The following ADAMTS17 variants were observed in gnomAD, a reference collection of about 807,000 sequenced individuals.
ADAMTS17 encodes the protein ADAM metallopeptidase with thrombospondin type 1 motif 17.
In ADAMTS17, 113 loss-of-function variants were observed where a neutral mutation model predicts 141.5. The ratio of observed to expected loss-of-function variants is 0.80; its 90% CI spans 0.69 to 0.93. The LOEUF (loss-of-function observed/expected upper bound fraction) is 0.93. Among genes scored for constraint, ADAMTS17 ranks in the 40% least tolerant of loss-of-function variants. The pLI, the probability that ADAMTS17 is intolerant of heterozygous loss-of-function variation, is 0.00. For missense variants in ADAMTS17, 1,659 were observed against 1,517.9 expected, an observed-to-expected ratio of 1.09 and a Z score of -1.54; for synonymous variants, 768 against 630.6, an observed-to-expected ratio of 1.22 and a Z score of -3.27.
In ADAMTS17 at chr15:99,997,508, C is replaced by A. The variant is rs1349512293; in HGVS notation, c.2673G>T (p.Gln891His). The A allele has an allele frequency of 1.2e-6, 2 of 1,613,554 alleles. No individual in the cohort carries two copies. The highest frequency in any genetic ancestry group is 1.1e-5 in the South Asian group (1 of 91,082). Residue 891 changes from glutamine to histidine, a missense_variant, in exon 19 of 22, where the codon CAG (glutamine) becomes CAT (histidine). Transcript: ENST00000268070. This position sits in a 1 kb window ranked among gnomAD's most constrained non-coding sequence, Gnocchi z 4.7. ...FQHREVTCVY[Q>H]LQNGTHVATR... ...TAGCGACGTGTGTGCCGTTCTGCAG[C>A]TGGTACACGCAGGTCACCTCCCGGT...
chr15:99,982,182 C>T (rs1363369402), intron 20 of ADAMTS17, among the ~76,000 whole-genome samples: 5 of 152,234 alleles, frequency 3.3e-5, no homozygotes, highest in Admixed American at 3.3e-4. Context: ...CTCCACAAAT[C>T]CTGCTGTTAT....
chr15:100,275,117 GA>G (rs2044035931), intron 4 of ADAMTS17, among the ~76,000 whole-genome samples: 1 of 152,214 alleles, frequency 6.6e-6, no homozygotes, highest in South Asian at 2.1e-4. Flanking sequence ...GGGACCCTCT[GA>G]GGGGACATTT....
chr15:100,045,740 CTA>C (rs2141560303), intron 18 of ADAMTS17, among the ~76,000 whole-genome samples: 1 of 152,246 alleles, frequency 6.6e-6, no homozygotes, highest in South Asian at 2.1e-4. Flanking sequence ...TGGCGGGTAA[CTA>C]TCAGAGTTTT....
chr15:99,976,406 C>T (rs1012385501), intron 20 of ADAMTS17, 184 bp from the exon 21 acceptor site: 45 of 789,610 alleles, frequency 5.7e-5, no homozygotes, highest in African/African-American at 2.4e-4. Flanking sequence ...GGGGCCTACA[C>T]GAGGTCAGGG....
chr15:100,292,655 G>C (rs936211541), intron 3 of ADAMTS17, among the ~76,000 whole-genome samples: 5 of 152,220 alleles, frequency 3.3e-5, no homozygotes, highest in African/African-American at 1.2e-4. Flanking sequence ...ACTGAGTCAG[G>C]ACTACATCCC....
chr15:100,257,573 T>A (rs1164941083), intron 6 of ADAMTS17, among the ~76,000 whole-genome samples: 1 of 152,212 alleles, frequency 6.6e-6, no homozygotes, highest in Non-Finnish European at 1.5e-5. Flanking sequence ...AGACGCCAAA[T>A]GCATCCTTCA....
chr15:99,978,431 A>G (rs2060412889), intron 20 of ADAMTS17: 1 of 152,220 alleles, frequency 6.6e-6, no homozygotes, highest in African/African-American at 2.4e-5. Context: ...GGCACGTTCA[A>G]ACTGGAACCC....
At chr15:100,117,143 T>C in intron 12 of ADAMTS17, 130 bp from the exon 13 acceptor site, 2 of 1,081,330 alleles carry the variant, frequency 1.8e-6, no homozygotes. Flanking sequence ...ACCCCCTCTC[T>C]GCTGTTACAG....
intron 4 of ADAMTS17, among the ~76,000 whole-genome samples, chr15:100,280,571 T>C (rs76472281): frequency 0.071 from 10,863 of 152,074 alleles, 414 homozygotes; most frequent in Non-Finnish European, 0.086. Flanking sequence ...TGGCCCGCCC[T>C]CCCTCACCAG....
rs766989655 is a variant in ADAMTS17 at position 99,997,637 on chromosome 15, G to A, written c.2592-48C>T. 1 of 1,609,136 alleles carries A rather than the reference G, an allele frequency of 6.2e-7. No individual in the cohort carries two copies. Among genetic ancestry groups the A allele is most frequent in the South Asian group, 1.1e-5 (1 of 90,994 alleles). The stretch of plus-strand genomic sequence containing the variant: ...GAGAGAACGACTGGGTGAGAGGCCA[G>A]CCTCTCCGGAGGGCCTTCCGGCCGG... On this transcript the variant is annotated intron_variant, in intron 18 of 21. Coordinates refer to ENST00000268070, the MANE Select transcript of ADAMTS17 (RefSeq NM_139057.4). The surrounding 1 kb of genome is among the most constrained non-coding windows in gnomAD (Gnocchi z 4.7).
intron 15 of ADAMTS17, among the ~76,000 whole-genome samples, chr15:100,092,880 G>T (rs755901748): frequency 6.6e-6 from 1 of 152,202 alleles, no homozygotes; most frequent in Non-Finnish European, 1.5e-5. Context: ...TGGTCACCTG[G>T]AGACTGACCA....
intron 8 of ADAMTS17, among the ~76,000 whole-genome samples, chr15:100,185,677 T>C (rs2035350): frequency 0.99 from 150,567 of 152,300 alleles, 74,454 homozygotes; most frequent in East Asian, 1. Flanking sequence ...TCAGCTCTGC[T>C]GTCGGGGGCT....
At chr15:100,037,552 A>G (rs2030858007) in intron 18 of ADAMTS17, among the ~76,000 whole-genome samples, 1 of 151,992 alleles carries the variant, frequency 6.6e-6, no homozygotes, top group East Asian at 1.9e-4. Flanking sequence ...GAGACTACAG[A>G]CATGCACCAC....
intron 18 of ADAMTS17, among the ~76,000 whole-genome samples, chr15:100,026,942 G>A (rs566776321): frequency 2.8e-3 from 431 of 152,302 alleles, no homozygotes; most frequent in Non-Finnish European, 4.3e-3. Flanking sequence ...ATGGCTCCAC[G>A]TCCTTGCCAA....
intron 8 of ADAMTS17, among the ~76,000 whole-genome samples, chr15:100,169,579 C>T (rs531647977): frequency 1.3e-5 from 2 of 152,214 alleles, no homozygotes; most frequent in Non-Finnish European, 2.9e-5. Flanking sequence ...TGAGCCCGGG[C>T]AGCCCATGCA....
chr15:100,170,539 T>C (rs2040121230), intron 8 of ADAMTS17, among the ~76,000 whole-genome samples: 1 of 152,234 alleles, frequency 6.6e-6, no homozygotes, highest in Non-Finnish European at 1.5e-5. Context: ...TGGGAACCAT[T>C]GAAAGTCCCT....
intron 9 of ADAMTS17, 54 bp from the exon 10 acceptor site, chr15:100,152,816 G>GT: frequency 6.4e-7 from 1 of 1,566,266 alleles, no homozygotes; most frequent in Non-Finnish European, 8.6e-7. Flanking sequence ...AGGTTTTTTT[G>GT]TTTTCTTTTT....
intron 3 of ADAMTS17, among the ~76,000 whole-genome samples, chr15:100,291,267 C>T (rs2142124189): frequency 6.6e-6 from 1 of 152,288 alleles, no homozygotes; most frequent in African/African-American, 2.4e-5. Context: ...CACTAATCAT[C>T]AGAGGAATGC....
chr15:100,175,931 T>C (rs879757544), intron 8 of ADAMTS17, among the ~76,000 whole-genome samples: 1 of 152,190 alleles, frequency 6.6e-6, no homozygotes, highest in Non-Finnish European at 1.5e-5. Context: ...GTCTTTTCTT[T>C]TTAGGACATA....
Sources: allele counts gnomAD v4.1 joint callset (sites outside exome capture counted in the v4.1 genomes callset), GRCh38; gene constraint gnomAD v4.1.1; non-coding constraint Gnocchi (gnomAD v3.1); transcripts MANE v1.5; gene names NCBI Gene and HGNC (gene_info 2026-07-23, HGNC 2026-07-21).